Variants in NSD1 observed in about 807,000 individuals in gnomAD.
The protein encoded by NSD1 is histone-lysine N-methyltransferase, H3 lysine-36 specific.
A neutral mutation model predicts 242.7 loss-of-function variants in NSD1; 26 were observed. That is an observed-to-expected ratio of 0.11 (90% CI 0.08 to 0.15). The LOEUF (loss-of-function observed/expected upper bound fraction) is 0.15, where lower values mean the gene tolerates loss of function less well. NSD1 is among the 10% of genes least tolerant of loss of function. The pLI is 1.00. For synonymous variants in NSD1, 1,106 were observed against 1,178.1 expected, an observed-to-expected ratio of 0.94 and a Z score of 1.25; for missense variants, 2,495 against 3,272.8, an observed-to-expected ratio of 0.76 and a Z score of 5.80.
intron 2 of NSD1, among the ~76,000 whole-genome samples, chr5:177,150,322 G>T (rs1351416668): frequency 1.3e-5 from 2 of 151,986 alleles, no homozygotes; most frequent in Admixed American, 6.6e-5. Flanking sequence ...GTAGAGACAG[G>T]TTTTCACTGT....
rs1759876499 is a variant in NSD1 at position 177,292,022 on chromosome 5, C to G, written c.6327C>G (p.Thr2109=). ...AGAAGCAACAGGGAAAGCGCAGGAC[C>G]CAGGGTGAAATCACAAAGGAGCGAG... The part of the protein sequence containing the change: ...FKKKQQGKRR[T]QGEITKERED... The change falls in exon 22 of 23, where the codon ACC becomes ACG. Residue 2109 remains threonine (T), a synonymous_variant. Transcript: ENST00000439151. 1.2e-6 allele frequency: 2 copies of G among 1,613,930 alleles called. No homozygotes were observed. The highest frequency in any genetic ancestry group is 2.7e-5 in the African/African-American group (2 of 74,900).
chr5:177,194,056 C>T (rs769901140), intron 3 of NSD1, among the ~76,000 whole-genome samples: 1 of 151,946 alleles, frequency 6.6e-6, no homozygotes, highest in African/African-American at 2.4e-5. Context: ...GGATTACAGG[C>T]GTGAGCCACC....
chr5:177,288,969 C>A, intron 21 of NSD1, 44 bp downstream of exon 21: 1 of 1,323,776 alleles, frequency 7.6e-7, no homozygotes, highest in South Asian at 1.2e-5. Flanking sequence ...GTGGTGCGGT[C>A]CTCCCTCCCT....
intron 2 of NSD1, among the ~76,000 whole-genome samples, chr5:177,156,174 ATTTTTTTTT>A (rs34417228): frequency 1.8e-4 from 14 of 78,020 alleles, no homozygotes; most frequent in African/African-American, 2.2e-4. Flanking sequence ...CTCTTTTCAG[ATTTTTTTTT>A]TTTTTTTTTT....
chr5:177,234,974 T>TA (rs1765331494), intron 5 of NSD1, among the ~76,000 whole-genome samples: 2 of 152,266 alleles, frequency 1.3e-5, no homozygotes, highest in African/African-American at 4.8e-5. Context: ...ACTGTTTTTT[T>TA]ATCAGCTGAT....
At chr5:177,229,212 T>A (rs538187583) in intron 5 of NSD1, among the ~76,000 whole-genome samples, 2 of 152,350 alleles carry the variant, frequency 1.3e-5, no homozygotes, top group Admixed American at 1.3e-4. Flanking sequence ...ACTTTTTGGC[T>A]GTTTTATCAT....
At chr5:177,219,833 A>G (rs1659247899) in intron 5 of NSD1, among the ~76,000 whole-genome samples, 1 of 152,116 alleles carries the variant, frequency 6.6e-6, no homozygotes, top group South Asian at 2.1e-4. Context: ...ATGGTTGCTC[A>G]TGCCTGTAGT....
At chr5:177,233,310 C>G (rs1235080498) in intron 5 of NSD1, among the ~76,000 whole-genome samples, 2 of 151,970 alleles carry the variant, frequency 1.3e-5, no homozygotes, top group African/African-American at 4.8e-5. Flanking sequence ...CTCAAGTGAT[C>G]TTCCTGCATT....
rs567467155 is a variant in NSD1, at chr5:177,293,502, T to C, written c.6464-330T>C. Among the ~76,000 whole-genome samples, 117 of 152,044 alleles carry C rather than the reference T, an allele frequency of 7.7e-4. 1 individual carries two copies. The highest frequency in any genetic ancestry group is 2.7e-3 in the African/African-American group (113 of 41,462). On this transcript the variant is annotated intron_variant, in intron 22 of 22. Coordinates refer to ENST00000439151, the MANE Select transcript of NSD1 (RefSeq NM_022455.5). ...TATAAAAGTAATATCTTAAGTTTCA[T>C]GTAAAAGAAACTTTTTGTTGTCCCC...
chr5:177,235,087 T>C (rs1008059346), intron 5 of NSD1, among the ~76,000 whole-genome samples: 1 of 152,222 alleles, frequency 6.6e-6, no homozygotes, highest in Non-Finnish European at 1.5e-5. Context: ...TAAGTACTTA[T>C]GTGTGAATAA....
intron 14 of NSD1, chr5:177,266,551 A>G: frequency 1.5e-6 from 1 of 683,400 alleles, no homozygotes; most frequent in Non-Finnish European, 2.4e-6. Flanking sequence ...GCCACAGGAC[A>G]CCTCCATGAT....
intron 2 of NSD1, among the ~76,000 whole-genome samples, chr5:177,174,501 C>T (rs576223025): frequency 1.3e-5 from 2 of 151,956 alleles, no homozygotes; most frequent in African/African-American, 2.4e-5. Flanking sequence ...AAGCGTGAGC[C>T]ACTGCACCCG....
In NSD1 at chr5:177,135,485, C is replaced by A. The variant is rs1251731124; in HGVS notation, c.382C>A (p.Gln128Lys). ...TGGTCCTACAGCACTTGCTATGAAACAGGAACCCTCTTGTAATAACTCCCC... is the reference window on the plus strand; with the variant it reads ...TGGTCCTACAGCACTTGCTATGAAAAAGGAACCCTCTTGTAATAACTCCCC... ...PGGPTALAMKQEPSCNNSPEL... is the reference protein window; with the variant it reads ...PGGPTALAMKKEPSCNNSPEL... The change falls in exon 2 of 23, where the codon CAG becomes AAG. Residue 128 changes from glutamine to lysine, a missense_variant. Physicochemically the swap from Gln to Lys is moderately conservative, Grantham distance 53. Around this residue, in one of 19 missense-constraint regions of NSD1, gnomAD observed 376 missense variants for 367.4 expected, o/e 1.02. Coordinates refer to ENST00000439151, the MANE Select transcript of NSD1 (RefSeq NM_022455.5). The A allele has an allele frequency of 7.4e-6, 12 of 1,614,178 alleles. No homozygotes were observed. The highest frequency in any genetic ancestry group is 1.0e-5 in the Non-Finnish European group (12 of 1,180,036).
intron 2 of NSD1, among the ~76,000 whole-genome samples, chr5:177,143,841 A>G (rs966210468): frequency 5.5e-5 from 8 of 144,954 alleles, no homozygotes; most frequent in Non-Finnish European, 1.2e-4. Context: ...GGAGTGCAAA[A>G]TGGCACGATC....
chr5:177,186,360 A>G (rs1761232959), intron 2 of NSD1, among the ~76,000 whole-genome samples: 1 of 151,746 alleles, frequency 6.6e-6, no homozygotes, highest in African/African-American at 2.4e-5. Flanking sequence ...TAATTTTTGG[A>G]TATGTCTGGG....
chr5:177,140,824 A>G (rs1007036372), intron 2 of NSD1, among the ~76,000 whole-genome samples: 3 of 152,108 alleles, frequency 2.0e-5, no homozygotes, highest in African/African-American at 4.8e-5. Context: ...ATGGAGAGAG[A>G]TGAGGCAGAT....
At position 177,133,810 on chromosome 5, in the gene NSD1, G is replaced by C. The variant is rs1182245466; in HGVS notation, c.-160G>C. 1.3e-5 allele frequency: 2 copies of C among 149,268 alleles called. No homozygotes were observed. The highest frequency in any genetic ancestry group is 4.9e-5 in the African/African-American group (2 of 40,766). 9.2% of individuals were successfully genotyped at this position (149,268 alleles called of 1,614,324 possible). On this transcript the variant is annotated 5_prime_UTR_variant, in exon 1 of 23. Transcript: ENST00000439151. This position sits in a 1 kb window ranked among gnomAD's most constrained non-coding sequence, Gnocchi z 6.2. ...GAATAGGCCGGGGCAGGTCGCGCTC[G>C]CTGCCTTCTCCCCTGAAGAGAGACG...
In NSD1 at chr5:177,294,109, A is replaced by G; in HGVS notation, c.6741A>G (p.Ala2247=). The G allele has an allele frequency of 1.2e-6, 2 of 1,614,030 alleles. No homozygotes were observed. Among genetic ancestry groups the G allele is most frequent in the Non-Finnish European group, 1.7e-6 (2 of 1,179,994 alleles). The part of the protein sequence containing the change: ...AEQSTGMAAQ[A]PKMSDKPPAD... The stretch of plus-strand genomic sequence containing the variant: ...AATCAACAGGAATGGCTGCTCAGGC[A>G]CCCAAAATGTCAGATAAACCTCCTG... Residue 2247 remains alanine (A), a synonymous_variant, in exon 23 of 23, where the codon GCA becomes GCG. Coordinates refer to ENST00000439151, the MANE Select transcript of NSD1 (RefSeq NM_022455.5).
At chr5:177,267,959 T>G (rs1406267069) in intron 15 of NSD1, among the ~76,000 whole-genome samples, 2 of 151,800 alleles carry the variant, frequency 1.3e-5, no homozygotes, top group Non-Finnish European at 1.5e-5. Flanking sequence ...AAAAGTTTTT[T>G]TTTTTTTTTT....
Sources: gnomAD v4.1 joint callset for allele counts (sites outside exome capture counted in the v4.1 genomes callset) on GRCh38, gnomAD v4.1.1 for gene constraint, gnomAD v4.1.1 regional missense constraint, Gnocchi (gnomAD v3.1) non-coding constraint, MANE v1.5 for transcripts, NCBI Gene and HGNC (gene_info 2026-07-23, HGNC 2026-07-21) for gene names.